PCDH15: variants seen among roughly 807,000 people sequenced by gnomAD.
PCDH15 encodes protocadherin related 15, also known as protocadherin-15.
A neutral mutation model predicts 178.5 loss-of-function variants in PCDH15; 129 were observed. The observed-to-expected ratio is 0.72, with a 90% CI of 0.63 to 0.84. The LOEUF is 0.84. Ranked by LOEUF, PCDH15 falls within the 40% of genes least tolerant of loss-of-function variation. The probability of loss-of-function intolerance (pLI) is 0.00; values close to 1 mark genes in which losing one functional copy is unlikely to be tolerated. For synonymous variants in PCDH15, 800 were observed against 732.0 expected, an observed-to-expected ratio of 1.09 and a Z score of -1.50; for missense variants, 2,230 against 2,099.9, an observed-to-expected ratio of 1.06 and a Z score of -1.21.
At chr10:54,838,065 G>A (rs997880882) in intron 3 of PCDH15, among the ~76,000 whole-genome samples, 1 of 151,836 alleles carries the variant, frequency 6.6e-6, no homozygotes, top group African/African-American at 2.4e-5. Flanking sequence ...GTGCAAGTAT[G>A]TAGAATACAT....
intron 23 of PCDH15, among the ~76,000 whole-genome samples, chr10:53,944,366 G>C (rs1195630453): frequency 1.3e-5 from 2 of 152,026 alleles, no homozygotes; most frequent in East Asian, 3.9e-4. Flanking sequence ...TATAATGTGA[G>C]TTATCATTCA....
chr10:54,732,288 C>A (rs1021584861), intron 1 of PCDH15, among the ~76,000 whole-genome samples: 5 of 151,142 alleles, frequency 3.3e-5, no homozygotes, highest in Middle Eastern at 3.4e-3. Context: ...AGAGCCAGAG[C>A]CAGAGACAGA....
At chr10:54,547,756 T>C (rs1458759777) in intron 2 of PCDH15, among the ~76,000 whole-genome samples, 1 of 152,146 alleles carries the variant, frequency 6.6e-6, no homozygotes, top group African/African-American at 2.4e-5. Context: ...CATATCTCTC[T>C]TGGTGCACAA....
chr10:54,445,466 A>G (rs58949252), intron 3 of PCDH15, among the ~76,000 whole-genome samples: 6,164 of 151,630 alleles, frequency 0.041, 363 homozygotes, highest in African/African-American at 0.13. Context: ...AAAATTGTCT[A>G]CATGATAGTG....
chr10:54,734,184 C>G (rs995190017), intron 1 of PCDH15, among the ~76,000 whole-genome samples: 2 of 151,700 alleles, frequency 1.3e-5, no homozygotes, highest in African/African-American at 4.8e-5. Context: ...ATCTGACAAA[C>G]TGTATGCATT....
intron 16 of PCDH15, among the ~76,000 whole-genome samples, chr10:54,079,748 TTCATTA>T (rs1335110217): frequency 6.6e-6 from 1 of 152,196 alleles, no homozygotes; most frequent in Non-Finnish European, 1.5e-5. Flanking sequence ...GAGAAAAGAC[TTCATTA>T]TTCCTTAGCA....
intron 2 of PCDH15, among the ~76,000 whole-genome samples, chr10:55,068,826 T>G (rs888441766): frequency 1.3e-5 from 2 of 151,888 alleles, no homozygotes; most frequent in African/African-American, 4.8e-5. Context: ...CTTTCACCTT[T>G]TTGATTAAAT....
At chr10:54,159,304 T>TA in intron 13 of PCDH15, among the ~76,000 whole-genome samples, 1 of 151,938 alleles carries the variant, frequency 6.6e-6, no homozygotes, top group Middle Eastern at 3.4e-3. Flanking sequence ...AGAACTACTG[T>TA]AAAAGAGTGT....
At chr10:55,277,454 G>A (rs1247985637) in intron 1 of PCDH15, among the ~76,000 whole-genome samples, 2 of 151,972 alleles carry the variant, frequency 1.3e-5, no homozygotes, top group Non-Finnish European at 2.9e-5. Context: ...GCACACCTTA[G>A]TTCTTGTAAA....
In PCDH15 at chr10:55,209,301, A is replaced by T. The variant is rs183421450; in HGVS notation, c.-155-42650T>A. On this transcript the variant is annotated intron_variant, in intron 1 of 5. Coordinates refer to the PCDH15 transcript ENST00000458638. ...TGCAGAACCTTAAAAACTGTCTTTT[A>T]TTCTAAGAGCAATGAAAAGACATCA... Among the ~76,000 whole-genome samples, 62 of 152,274 alleles carry T rather than the reference A, an allele frequency of 4.1e-4. No homozygotes were observed. The South Asian group carries it at 7.0e-3, about 17-fold the overall frequency.
At chr10:53,968,695 A>C (rs1433311211) in intron 21 of PCDH15, among the ~76,000 whole-genome samples, 2 of 152,190 alleles carry the variant, frequency 1.3e-5, no homozygotes, top group African/African-American at 4.8e-5. Flanking sequence ...CCATTCTGCA[A>C]TGTTTGCTGT....
At chr10:54,951,292 AG>A (rs1265587713) in intron 2 of PCDH15, among the ~76,000 whole-genome samples, 1 of 151,922 alleles carries the variant, frequency 6.6e-6, no homozygotes, top group African/African-American at 2.4e-5. Flanking sequence ...CATCTTTCCC[AG>A]GATTTCATAT....
intron 3 of PCDH15, among the ~76,000 whole-genome samples, chr10:54,433,353 T>C (rs1957180210): frequency 6.6e-6 from 1 of 151,850 alleles, no homozygotes. Flanking sequence ...AAAATGTGGT[T>C]CTTATATACA....
At chr10:54,173,118 A>G (rs2047076282) in intron 13 of PCDH15, among the ~76,000 whole-genome samples, 2 of 152,180 alleles carry the variant, frequency 1.3e-5, no homozygotes, top group Admixed American at 1.3e-4. Context: ...TAAACTACAT[A>G]AGCCCTAAGG....
At chr10:53,918,405 AT>A (rs1450179510) in intron 25 of PCDH15, among the ~76,000 whole-genome samples, 1 of 152,148 alleles carries the variant, frequency 6.6e-6, no homozygotes, top group Non-Finnish European at 1.5e-5. Context: ...TTAAAACAAG[AT>A]TTGTAATAAC....
At chr10:53,817,528 T>TTTTTTTTTTTTTTTTTTTTTTTTC (rs2076108544) in intron 34 of PCDH15, among the ~76,000 whole-genome samples, 1 of 130,582 alleles carries the variant, frequency 7.7e-6, no homozygotes. Context: ...TTTTTTTTTC[T>TTTTTTTTTTTTTTTTTTTTTTTTC]TTTTTTTTTT....
intron 1 of PCDH15, among the ~76,000 whole-genome samples, chr10:54,694,074 A>G (rs1286337295): frequency 6.6e-6 from 1 of 152,264 alleles, no homozygotes; most frequent in East Asian, 1.9e-4. Flanking sequence ...GTAATTCCAG[A>G]ATGAAAATAA....
At chr10:54,355,709 T>C (rs1944872546) in intron 5 of PCDH15, among the ~76,000 whole-genome samples, 1 of 152,184 alleles carries the variant, frequency 6.6e-6, no homozygotes, top group African/African-American at 2.4e-5. Flanking sequence ...AATTAGCCAG[T>C]ACCTGCATTT....
At chr10:53,890,885 G>A (rs918697723) in intron 26 of PCDH15, among the ~76,000 whole-genome samples, 3 of 151,988 alleles carry the variant, frequency 2.0e-5, no homozygotes, top group East Asian at 1.9e-4. Context: ...CCAGGCCTGC[G>A]GGTTTCCCTT....
Sources: gnomAD v4.1 joint callset for allele counts (sites outside exome capture counted in the v4.1 genomes callset) on GRCh38, gnomAD v4.1.1 for gene constraint, MANE v1.5 for transcripts, NCBI Gene and HGNC (gene_info 2026-07-23, HGNC 2026-07-21) for gene names.